The following MMRN2 variants were observed in gnomAD, a reference collection of about 807,000 sequenced individuals.
MMRN2 encodes multimerin 2.
Under a neutral mutation model 68.8 loss-of-function variants are expected in MMRN2, and 53 were observed. That is an observed-to-expected ratio of 0.77 (90% CI 0.62 to 0.97). MMRN2 has a LOEUF of 0.97. Among genes scored for constraint, MMRN2 ranks in the 50% least tolerant of loss-of-function variants. The pLI, the probability that MMRN2 is intolerant of heterozygous loss-of-function variation, is 0.00. For missense variants in MMRN2, 1,266 were observed against 1,259.5 expected, an observed-to-expected ratio of 1.01 and a Z score of -0.08; for synonymous variants, 564 against 551.6, an observed-to-expected ratio of 1.02 and a Z score of -0.32.
chr10:86,954,895 C>T (rs914918280), intron 1 of MMRN2, among the ~76,000 whole-genome samples: 1 of 152,164 alleles, frequency 6.6e-6, no homozygotes, highest in East Asian at 1.9e-4. Context: ...CCAGAGAAGG[C>T]GGCCTGTGCT....
Position 86,937,118 on chromosome 10 carries a change from A to G in MMRN2, c.2475T>C (p.Pro825=). Residue 825 remains proline, a synonymous_variant, in exon 7 of 7, where the codon CCT becomes CCC. Transcript: ENST00000372027. ...CTGAAAAGCTGGCATAGAAGGCCAC[A>G]GGGGATCCTGAAACATAACAGGACA... The part of the protein sequence containing the change: ...LGAALWEAGS[P]VAFYASFSEG... 5 of 1,614,046 alleles carry G rather than the reference A, an allele frequency of 3.1e-6. No homozygotes were observed. The highest frequency in any genetic ancestry group is 4.2e-6 in the Non-Finnish European group (5 of 1,179,922).
chr10:86,950,491 A>C lies in MMRN2; in HGVS notation c.165-4802T>G, dbSNP rs775905964. ...GTGGTGTCACAGGAAACACTCTAAC[A>C]AAACAACAGAGAAAATCAAGAAAGA... On this transcript the variant is annotated intron_variant, in intron 1 of 6. Transcript: ENST00000372027. Among the ~76,000 whole-genome samples, 42 of 152,336 alleles carry C rather than the reference A, an allele frequency of 2.8e-4. 1 individual carries two copies. Among genetic ancestry groups the C allele is most frequent in the Middle Eastern group, 3.4e-3 (1 of 294 alleles).
At chr10:86,939,229 C>G (rs1843922709) in intron 6 of MMRN2, among the ~76,000 whole-genome samples, 1 of 150,782 alleles carries the variant, frequency 6.6e-6, no homozygotes, top group Non-Finnish European at 1.5e-5. Context: ...TTTGGAAGGC[C>G]GAGGTGGGCG....
chr10:86,937,558 C>T (rs1046048218), intron 6 of MMRN2, among the ~76,000 whole-genome samples: 77 of 151,726 alleles, frequency 5.1e-4, no homozygotes, highest in Non-Finnish European at 9.6e-4. Flanking sequence ...AAATGTTGGG[C>T]TTGCAGGTGA....
chr10:86,938,668 A>G (rs1432207263), intron 6 of MMRN2, among the ~76,000 whole-genome samples: 1 of 152,136 alleles, frequency 6.6e-6, no homozygotes, highest in African/African-American at 2.4e-5. Context: ...CAAGGTCCCC[A>G]TTTCTTAGGT....
In MMRN2 at chr10:86,943,629, C is replaced by T; in HGVS notation, c.1155G>A (p.Met385Ile). ...ACTCCTCCTCCCTGCGGGCCGTGGT[C>T]ATGTGCAGCTCTGAGAGGTTCCTCT... is the stretch of plus-strand genomic sequence containing the variant. ...QLQRNLSELH[M>I]TTARREEELQ... is the part of the protein sequence containing the mutation. Residue 385 changes from methionine to isoleucine, a missense_variant, in exon 6 of 7, where the codon ATG (methionine) becomes ATA (isoleucine). Physicochemically the swap from Met to Ile is conservative, Grantham distance 10 (BLOSUM62 1). Transcript: ENST00000372027. This position sits in a 1 kb window ranked among gnomAD's most constrained non-coding sequence, Gnocchi z 4.2. 1 of 1,613,734 alleles carries T rather than the reference C, an allele frequency of 6.2e-7. No homozygotes were observed. The highest frequency in any genetic ancestry group is 8.5e-7 in the Non-Finnish European group (1 of 1,180,028).
chr10:86,938,547 A>G lies in MMRN2; in HGVS notation c.2468-1422T>C, dbSNP rs535136924. ...GCTGGGGACAGGGTCATGAGATGGC[A>G]CAGGAAAGGTAAGTCCTACTTGGGT... On this transcript the variant is annotated intron_variant, in intron 6 of 6. Transcript: ENST00000372027. 3.9e-5 allele frequency among the ~76,000 whole-genome samples: 6 copies of G among 152,374 alleles called. No individual in the cohort carries two copies. The East Asian group carries it at 1.2e-3, about 29-fold the overall frequency.
chr10:86,948,087 G>A (rs1049951308), intron 1 of MMRN2, among the ~76,000 whole-genome samples: 4 of 151,916 alleles, frequency 2.6e-5, no homozygotes, highest in Non-Finnish European at 5.9e-5. Context: ...TTAGCCAGGT[G>A]TGGTGGCGCA....
intron 1 of MMRN2, among the ~76,000 whole-genome samples, chr10:86,956,664 C>T (rs1260038122): frequency 6.6e-6 from 1 of 152,198 alleles, no homozygotes; most frequent in East Asian, 1.9e-4. Flanking sequence ...GTAAGTGGGG[C>T]TGTTGGAGGG....
Position 86,943,853 on chromosome 10 carries a change from C to T in MMRN2, c.931G>A (p.Val311Met), listed in dbSNP as rs757147151. The part of the protein sequence containing the change: ...TQRVGQLRQD[V>M]EDRLHAQHFT... Reference sequence around the variant, plus strand: ...TGCTGGGCGTGCAGGCGGTCCTCCACGTCCTGTCGCAGCTGACCCACTCTC... The same window carrying T: ...TGCTGGGCGTGCAGGCGGTCCTCCATGTCCTGTCGCAGCTGACCCACTCTC... The change falls in exon 6 of 7, where the codon GTG becomes ATG. Residue 311 changes from valine (V) to methionine (M), a missense_variant. Physicochemically the swap from Val to Met is conservative, Grantham distance 21. Coordinates refer to ENST00000372027, the MANE Select transcript of MMRN2 (RefSeq NM_024756.3). The surrounding 1 kb of genome is among the most constrained non-coding windows in gnomAD (Gnocchi z 4.2). 7.4e-6 allele frequency: 12 copies of T among 1,613,648 alleles called. No homozygotes were observed. The highest frequency in any genetic ancestry group is 6.7e-5 in the East Asian group (3 of 44,876).
Position 86,942,875 on chromosome 10 carries a change from T to G in MMRN2, c.1909A>C (p.Ile637Leu). 1 of 1,434,714 alleles carries G rather than the reference T, an allele frequency of 7.0e-7. No individual in the cohort carries two copies. Among genetic ancestry groups the G allele is most frequent in the Non-Finnish European group, 9.1e-7 (1 of 1,093,396 alleles). 88.9% of individuals were successfully genotyped at this position (1,434,714 alleles called of 1,614,324 possible). Residue 637 changes from isoleucine (I) to leucine (L), a missense_variant, in exon 6 of 7, where the codon ATC becomes CTC. Ile to Leu is a conservative substitution (Grantham distance 5, BLOSUM62 2). Transcript: ENST00000372027. ...GCGGCGTCCTGCAGGGCCACGCGGA[T>G]CTGCTCGTAGCTCAGGGGCAGCGGT... Reference protein sequence around the residue: ...PGPLPLSYEQIRVALQDAASG... With the variant: ...PGPLPLSYEQLRVALQDAASG...
chr10:86,945,823 G>A (rs1328451368), intron 1 of MMRN2, 134 bp from the exon 2 acceptor site: 1 of 1,502,862 alleles, frequency 6.7e-7, no homozygotes, highest in South Asian at 1.3e-5. Context: ...TGAGAAGAGA[G>A]CCTTCCGCAT....
chr10:86,936,018 C>G lies in MMRN2; in HGVS notation c.*725G>C, dbSNP rs769200504. The stretch of plus-strand genomic sequence containing the variant: ...ATAAAATCATCAGATCTCGTGAGAA[C>G]TATCACAAGAACAGCATGGGGGAAC... On this transcript the variant is annotated 3_prime_UTR_variant, in exon 7 of 7. Transcript: ENST00000372027. The G allele has an allele frequency of 6.8e-5, 11 of 161,596 alleles. No individual in the cohort carries two copies. Among genetic ancestry groups the G allele is most frequent in the Non-Finnish European group, 1.3e-4 (10 of 74,424 alleles). 10.0% of individuals were successfully genotyped at this position (161,596 alleles called of 1,614,324 possible). A position where few individuals can be genotyped will look rare whatever the true frequency, so the allele number is the denominator to read the frequency against.
chr10:86,952,457 G>A (rs10887681), intron 1 of MMRN2, among the ~76,000 whole-genome samples: 17,878 of 152,150 alleles, frequency 0.12, 1,122 homozygotes, highest in East Asian at 0.18. Flanking sequence ...CCTAAGTGTC[G>A]ACTGGTCTGA....
intron 1 of MMRN2, among the ~76,000 whole-genome samples, chr10:86,956,143 C>G (rs1223668757): frequency 6.6e-6 from 1 of 151,326 alleles, no homozygotes; most frequent in South Asian, 2.1e-4. Context: ...GCCCCTCCCC[C>G]GCCCCCTGCT....
chr10:86,940,194 G>A (rs1036275205), intron 6 of MMRN2, among the ~76,000 whole-genome samples: 1 of 151,998 alleles, frequency 6.6e-6, no homozygotes, highest in Non-Finnish European at 1.5e-5. Context: ...ATTTTTAGTA[G>A]AGATGGGGTT....
intron 1 of MMRN2, among the ~76,000 whole-genome samples, chr10:86,951,151 T>C (rs1564734601): frequency 6.6e-6 from 1 of 152,206 alleles, no homozygotes. Flanking sequence ...TCTTTAGTGA[T>C]ACAGAGGTAA....
chr10:86,935,845 TAAAGG>T lies in MMRN2; in HGVS notation c.*893_*897del, dbSNP rs1448165483. ...GAATTGCCCAAGACTGGATAATTTATAAAGGAAAGAGGTTTAATTGACTCACTGTT... is the reference window on the plus strand; with the variant it reads ...GAATTGCCCAAGACTGGATAATTTATAAAGAGGTTTAATTGACTCACTGTT... On this transcript the variant is annotated 3_prime_UTR_variant, in exon 7 of 7. Transcript: ENST00000372027. The T allele has an allele frequency of 6.6e-6, 1 of 152,282 alleles. No homozygotes were observed. Among genetic ancestry groups the T allele is most frequent in the Non-Finnish European group, 1.5e-5 (1 of 68,082 alleles). The allele number at this position is 152,282 out of a possible 1,614,324, so 9.4% of individuals were successfully genotyped here. A position where few individuals can be genotyped will look rare whatever the true frequency, so the allele number is the denominator to read the frequency against.
rs1317792493 is a variant in MMRN2 at position 86,944,257 on chromosome 10, C to G, written c.655+5G>C. On this transcript the variant is annotated splice_donor_5th_base_variant and intron_variant, in intron 5 of 6. Transcript: ENST00000372027. ...CTTCCTCAGCCCCTAGAGCCTGCCA[C>G]TCACCGTGCCCTGTTTGATTTGCTT... The G allele has an allele frequency of 3.7e-6, 6 of 1,602,092 alleles. No individual in the cohort carries two copies. The highest frequency in any genetic ancestry group is 5.1e-6 in the Non-Finnish European group (6 of 1,171,598).
Sources: allele counts gnomAD v4.1 joint callset (sites outside exome capture counted in the v4.1 genomes callset), GRCh38; gene constraint gnomAD v4.1.1; non-coding constraint Gnocchi (gnomAD v3.1); transcripts MANE v1.5; gene names NCBI Gene and HGNC (gene_info 2026-07-23, HGNC 2026-07-21).